The following TMEM233 variants were observed in gnomAD, a reference collection of about 807,000 sequenced individuals.
TMEM233 encodes the protein dispanin subfamily B member 2.
In TMEM233, 6 loss-of-function variants were observed where a neutral mutation model predicts 11.2. The observed-to-expected ratio is 0.54, with a 90% CI of 0.29 to 1.06. The LOEUF (loss-of-function observed/expected upper bound fraction) is 1.06, where lower values mean the gene tolerates loss of function less well. Among genes scored for constraint, TMEM233 ranks in the 50% least tolerant of loss-of-function variants. The pLI, the probability that TMEM233 is intolerant of heterozygous loss-of-function variation, is 0.08. For synonymous variants in TMEM233, 59 were observed against 55.8 expected, an observed-to-expected ratio of 1.06 and a Z score of -0.26; for missense variants, 127 against 144.7, an observed-to-expected ratio of 0.88 and a Z score of 0.63.
At chr12:119,623,502 GT>G (rs1954687035) in intron 1 of TMEM233, among the ~76,000 whole-genome samples, 1 of 148,978 alleles carries the variant, frequency 6.7e-6, no homozygotes, top group Admixed American at 6.8e-5. Flanking sequence ...GAGGTCAGGA[GT>G]TTGACACCAG....
chr12:119,606,625 T>C (rs1377808280), intron 1 of TMEM233, among the ~76,000 whole-genome samples: 2 of 151,896 alleles, frequency 1.3e-5, no homozygotes, highest in Non-Finnish European at 2.9e-5. Flanking sequence ...CCCGAAAAAA[T>C]TTAGGAAACA....
the TMEM233 span, among the ~76,000 whole-genome samples, chr12:119,651,147 C>T: frequency 2.6e-5 from 4 of 152,170 alleles, no homozygotes; most frequent in African/African-American, 9.7e-5. Context: ...GGGCAGTTAC[C>T]AGTTCTCACA....
chr12:119,615,171 G>T (rs1954495769), intron 1 of TMEM233, among the ~76,000 whole-genome samples: 3 of 39,478 alleles, frequency 7.6e-5, no homozygotes, highest in Admixed American at 4.6e-4. Context: ...CCCGCTTTCT[G>T]CTAAAAAAAA....
At chr12:119,628,586 G>A (rs547863884) in intron 1 of TMEM233, among the ~76,000 whole-genome samples, 2 of 135,718 alleles carry the variant, frequency 1.5e-5, no homozygotes, top group Middle Eastern at 5.1e-3. Flanking sequence ...TGCAAGCTCC[G>A]CCTCCCAGAT....
At chr12:119,614,175 A>C (rs1954472628) in intron 1 of TMEM233, among the ~76,000 whole-genome samples, 1 of 152,174 alleles carries the variant, frequency 6.6e-6, no homozygotes, top group African/African-American at 2.4e-5. Flanking sequence ...TGGGAGGCTG[A>C]GGCAGGTGGA....
intron 2 of TMEM233, among the ~76,000 whole-genome samples, chr12:119,639,068 T>G (rs1486343834): frequency 1.3e-5 from 2 of 152,112 alleles, no homozygotes; most frequent in Admixed American, 1.3e-4. Context: ...CCTCAGGGCC[T>G]CTGCACTTGC....
intron 1 of TMEM233, among the ~76,000 whole-genome samples, chr12:119,604,345 C>A (rs761955127): frequency 1.3e-5 from 2 of 152,162 alleles, no homozygotes; most frequent in Non-Finnish European, 2.9e-5. Context: ...CTTTTCGGAG[C>A]CTTTGGCAAA....
At chr12:119,622,669 G>A (rs2136746193) in intron 1 of TMEM233, among the ~76,000 whole-genome samples, 1 of 151,960 alleles carries the variant, frequency 6.6e-6, no homozygotes, top group Middle Eastern at 3.4e-3. Flanking sequence ...TTAAGCCCGA[G>A]ACCCCCCCAG....
chr12:119,625,618 T>A (rs900918308), intron 1 of TMEM233, among the ~76,000 whole-genome samples: 1 of 152,196 alleles, frequency 6.6e-6, no homozygotes, highest in Non-Finnish European at 1.5e-5. Context: ...AGCTTATTTT[T>A]CAAAACTGTG....
At position 119,640,770 on chromosome 12, in the gene TMEM233, G is replaced by A. The variant is rs1955070128; in HGVS notation, c.*65G>A. On this transcript the variant is annotated 3_prime_UTR_variant, in exon 3 of 3. Coordinates refer to ENST00000426426, the MANE Select transcript of TMEM233 (RefSeq NM_001136534.3). The stretch of plus-strand genomic sequence containing the variant: ...CCTCATCCACACACACCCCAAAGGA[G>A]TTTCTAAGGAATGGATCCTTGACTT... The A allele has an allele frequency of 1.3e-6, 2 of 1,536,172 alleles. No homozygotes were observed. Among genetic ancestry groups the A allele is most frequent in the Non-Finnish European group, 1.8e-6 (2 of 1,135,832 alleles).
Position 119,594,111 on chromosome 12 carries a change from G to T in TMEM233, c.186+77G>T. ...TGAGCCCCTGCAGGGGAGTCCGCGCGCTCTCTGCGGCTCCCTTCCTCACGG... is the reference window on the plus strand; with the variant it reads ...TGAGCCCCTGCAGGGGAGTCCGCGCTCTCTCTGCGGCTCCCTTCCTCACGG... On this transcript the variant is annotated intron_variant, in intron 1 of 2. Transcript: ENST00000426426. This position sits in a 1 kb window ranked among gnomAD's most constrained non-coding sequence, Gnocchi z 5.6. 1.4e-6 allele frequency: 2 copies of T among 1,401,506 alleles called. No homozygotes were observed. Among genetic ancestry groups the T allele is most frequent in the Non-Finnish European group, 1.9e-6 (2 of 1,032,846 alleles). 86.8% of individuals were successfully genotyped at this position (1,401,506 alleles called of 1,614,324 possible).
At chr12:119,632,161 C>A (rs1566112587) in intron 2 of TMEM233, among the ~76,000 whole-genome samples, 1 of 152,106 alleles carries the variant, frequency 6.6e-6, no homozygotes, top group South Asian at 2.1e-4. Context: ...TTGACATATG[C>A]CAGGTACTGT....
chr12:119,602,431 T>C (rs1209564405), intron 1 of TMEM233, among the ~76,000 whole-genome samples: 1 of 152,234 alleles, frequency 6.6e-6, no homozygotes, highest in African/African-American at 2.4e-5. Context: ...AATGGCGTAT[T>C]AAAATTACAG....
intron 2 of TMEM233, among the ~76,000 whole-genome samples, chr12:119,638,268 T>C (rs989858674): frequency 6.6e-6 from 1 of 152,134 alleles, no homozygotes; most frequent in Non-Finnish European, 1.5e-5. Context: ...GAGGCCAGCC[T>C]GGGAAACATA....
In TMEM233 at chr12:119,640,557, G is replaced by A. The variant is rs1299165734; in HGVS notation, c.324-142G>A. The A allele has an allele frequency of 1.4e-5, 12 of 853,866 alleles. No individual in the cohort carries two copies. The Admixed American group carries it at 2.5e-4, about 18-fold the overall frequency. The allele number at this position is 853,866 out of a possible 1,614,324, so 52.9% of individuals were successfully genotyped here. A position where few individuals can be genotyped will look rare whatever the true frequency, so the allele number is the denominator to read the frequency against. ...AGGAAGCCCCTGCTTAGAGTCAAAA[G>A]TGTGCACGCAGGCTGGTACATTTCA... On this transcript the variant is annotated intron_variant, in intron 2 of 2. Transcript: ENST00000426426.
At chr12:119,630,123 C>T (rs1196565114) in intron 2 of TMEM233, among the ~76,000 whole-genome samples, 1 of 152,248 alleles carries the variant, frequency 6.6e-6, no homozygotes, top group Non-Finnish European at 1.5e-5. Context: ...ACAGGCCCTA[C>T]ATCCTCTGGA....
intron 1 of TMEM233, among the ~76,000 whole-genome samples, chr12:119,622,191 G>A (rs1026450693): frequency 2.0e-5 from 3 of 152,198 alleles, no homozygotes; most frequent in Non-Finnish European, 4.4e-5. Context: ...CATAATGGAA[G>A]CAGGAGAAAG....
In TMEM233 at chr12:119,594,251, G is replaced by A. The variant is rs1593268549; in HGVS notation, c.186+217G>A. 4 of 542,224 alleles carry A rather than the reference G, an allele frequency of 7.4e-6. No individual in the cohort carries two copies. The East Asian group carries it at 1.2e-4, about 17-fold the overall frequency. 33.6% of individuals were successfully genotyped at this position (542,224 alleles called of 1,614,324 possible). On this transcript the variant is annotated intron_variant, in intron 1 of 2. Coordinates refer to ENST00000426426, the MANE Select transcript of TMEM233 (RefSeq NM_001136534.3). This position sits in a 1 kb window ranked among gnomAD's most constrained non-coding sequence, Gnocchi z 5.6. ...CTCTGCACTCCTCGTGGTACTCAGA[G>A]CCCTGATCAAGCTTCCCCCAGGCTA... is the stretch of plus-strand genomic sequence containing the variant.
At chr12:119,616,471 G>A (rs932760312) in intron 1 of TMEM233, among the ~76,000 whole-genome samples, 1 of 152,180 alleles carries the variant, frequency 6.6e-6, no homozygotes, top group African/African-American at 2.4e-5. Flanking sequence ...AATACGGGTG[G>A]TTGGCTTATG....
Sources: gnomAD v4.1 joint callset for allele counts (sites outside exome capture counted in the v4.1 genomes callset) on GRCh38, gnomAD v4.1.1 for gene constraint, Gnocchi (gnomAD v3.1) non-coding constraint, MANE v1.5 for transcripts, NCBI Gene and HGNC (gene_info 2026-07-23, HGNC 2026-07-21) for gene names.